TWIST2: variants seen among roughly 807,000 people sequenced by gnomAD.
TWIST2 encodes twist-related protein 2.
TWIST2 carries 1 observed loss-of-function variant against 11.6 expected under a neutral mutation model. The ratio of observed to expected loss-of-function variants is 0.09; its 90% CI spans 0.03 to 0.41. The LOEUF (loss-of-function observed/expected upper bound fraction) is 0.41. TWIST2 is among the 10% of genes least tolerant of loss of function. TWIST2 has a pLI of 0.98. For missense variants in TWIST2, 168 were observed against 226.4 expected (o/e 0.74, Z 1.66); for synonymous variants, 87 against 96.6 (o/e 0.90, Z 0.58).
intron 1 of TWIST2, among the ~76,000 whole-genome samples, chr2:238,908,275 TACCAC>T (rs1693390010): frequency 1.5e-5 from 2 of 133,212 alleles, no homozygotes; most frequent in Non-Finnish European, 3.1e-5. Flanking sequence ...GCACCATACA[TACCAC>T]ACACTACACA....
At chr2:238,851,573 C>CT (rs36141131) in intron 1 of TWIST2, among the ~76,000 whole-genome samples, 59,821 of 150,782 alleles carry the variant, frequency 0.4, 12,722 homozygotes, top group Non-Finnish European at 0.49. Flanking sequence ...ACTCAACAAA[C>CT]TTTTTTTTTT....
intron 1 of TWIST2, among the ~76,000 whole-genome samples, chr2:238,881,709 C>T (rs936750084): frequency 6.6e-6 from 1 of 152,078 alleles, no homozygotes; most frequent in Non-Finnish European, 1.5e-5. Context: ...CCATCTCGGC[C>T]CCTCTTGAGC....
At chr2:238,901,120 G>A (rs1253143874) in intron 1 of TWIST2, among the ~76,000 whole-genome samples, 2 of 151,846 alleles carry the variant, frequency 1.3e-5, no homozygotes, top group East Asian at 1.9e-4. Context: ...GGGATTACAG[G>A]TGTGTGCCAA....
chr2:238,905,854 TGC>T (rs1355081180), intron 1 of TWIST2, among the ~76,000 whole-genome samples: 3 of 43,972 alleles, frequency 6.8e-5, no homozygotes, highest in African/African-American at 4.1e-4. Flanking sequence ...TGTGTGTGTG[TGC>T]GTGTGTGTGC....
intron 1 of TWIST2, among the ~76,000 whole-genome samples, chr2:238,875,634 G>C (rs1431338739): frequency 6.6e-6 from 1 of 152,166 alleles, no homozygotes; most frequent in Non-Finnish European, 1.5e-5. Flanking sequence ...ACAGATGGGA[G>C]CCAAGAAAGT....
intron 1 of TWIST2, among the ~76,000 whole-genome samples, chr2:238,874,319 A>C (rs1055351996): frequency 1.3e-5 from 2 of 152,192 alleles, no homozygotes; most frequent in East Asian, 1.9e-4. Flanking sequence ...TTAAAAACTC[A>C]ACTTTCCTGC....
At chr2:238,905,856 CGTGTGTGT>C (rs1164031880) in intron 1 of TWIST2, among the ~76,000 whole-genome samples, 50 of 133,950 alleles carry the variant, frequency 3.7e-4, no homozygotes, top group Admixed American at 1.1e-3. Flanking sequence ...TGTGTGTGTG[CGTGTGTGT>C]GCGTGCGTGT....
At chr2:238,870,192 T>C (rs796895748) in intron 1 of TWIST2, among the ~76,000 whole-genome samples, 118 of 264 alleles carry the variant, frequency 0.45, 5 homozygotes, top group Middle Eastern at 0.5. Flanking sequence ...ACACATCACA[T>C]ACCACACACA....
chr2:238,888,711 G>A (rs1321448890), intron 1 of TWIST2, among the ~76,000 whole-genome samples: 1 of 152,212 alleles, frequency 6.6e-6, no homozygotes, highest in Non-Finnish European at 1.5e-5. Context: ...GGAGACTTCA[G>A]TTCACTATGC....
chr2:238,883,992 G>A (rs980519396), intron 1 of TWIST2, among the ~76,000 whole-genome samples: 4 of 152,042 alleles, frequency 2.6e-5, no homozygotes, highest in Non-Finnish European at 5.9e-5. Flanking sequence ...CTTTCCCCTG[G>A]GGTTAATCTG....
intron 1 of TWIST2, among the ~76,000 whole-genome samples, chr2:238,905,950 C>CGCGCGT (rs1693344934): frequency 9.0e-4 from 107 of 119,540 alleles, no homozygotes; most frequent in African/African-American, 3.2e-3. Flanking sequence ...TGTGCGCGCG[C>CGCGCGT]GTGTGTACGT....
intron 1 of TWIST2, among the ~76,000 whole-genome samples, chr2:238,857,898 C>G (rs1355555448): frequency 6.6e-6 from 1 of 152,154 alleles, no homozygotes; most frequent in African/African-American, 2.4e-5. Context: ...GATCGCGCCA[C>G]TGCACTCCAG....
intron 1 of TWIST2, among the ~76,000 whole-genome samples, chr2:238,894,513 C>T (rs1352531282): frequency 6.6e-6 from 1 of 152,220 alleles, no homozygotes; most frequent in African/African-American, 2.4e-5. Flanking sequence ...CCGCCCTGCC[C>T]AGGCCCCACC....
chr2:238,852,750 C>T (rs775290397), intron 1 of TWIST2, among the ~76,000 whole-genome samples: 12 of 152,220 alleles, frequency 7.9e-5, no homozygotes, highest in South Asian at 2.1e-4. Context: ...ACGATATTGA[C>T]GCCAGTTTCC....
chr2:238,854,321 C>T (rs1319962330), intron 1 of TWIST2, among the ~76,000 whole-genome samples: 1 of 152,212 alleles, frequency 6.6e-6, no homozygotes, highest in Admixed American at 6.5e-5. Flanking sequence ...TCCTAATTCT[C>T]ACTGTCTAAT....
chr2:238,868,819 G>T (rs527711842), intron 1 of TWIST2, among the ~76,000 whole-genome samples: 1 of 152,244 alleles, frequency 6.6e-6, no homozygotes, highest in Non-Finnish European at 1.5e-5. Flanking sequence ...GGCTCAGCAA[G>T]GCTGGAGGGA....
At chr2:238,896,061 A>C (rs1693203038) in intron 1 of TWIST2, among the ~76,000 whole-genome samples, 3 of 152,108 alleles carry the variant, frequency 2.0e-5, no homozygotes. Flanking sequence ...CGGCGTTGTA[A>C]ATATGGTCAT....
At chr2:238,909,117 GGGGT>G (rs1693409421) in intron 1 of TWIST2, among the ~76,000 whole-genome samples, 2 of 8,030 alleles carry the variant, frequency 2.5e-4, no homozygotes, top group African/African-American at 5.5e-4. Flanking sequence ...GTGTGTATGT[GGGGT>G]GGGGTGTGTT....
intron 1 of TWIST2, among the ~76,000 whole-genome samples, chr2:238,870,565 AC>A (rs1692658484): frequency 1.1e-5 from 1 of 90,926 alleles, no homozygotes; most frequent in Non-Finnish European, 2.2e-5. Context: ...CACACACCAC[AC>A]ACCACACACC....
Sources: gnomAD v4.1 joint callset for allele counts (sites outside exome capture counted in the v4.1 genomes callset) on GRCh38, gnomAD v4.1.1 for gene constraint, MANE v1.5 for transcripts, NCBI Gene and HGNC (gene_info 2026-07-23, HGNC 2026-07-21) for gene names.